Variants in FRYL observed in about 807,000 individuals in gnomAD.
FRYL encodes FRY like transcription coactivator.
A neutral mutation model predicts 351.2 loss-of-function variants in FRYL; 150 were observed. The ratio of observed to expected loss-of-function variants is 0.43; its 90% CI spans 0.37 to 0.49. FRYL has a LOEUF of 0.49. Ranked by LOEUF, FRYL falls within the 20% of genes least tolerant of loss-of-function variation. FRYL has a pLI of 0.00. For missense variants in FRYL, 3,036 were observed against 3,619.3 expected (o/e 0.84, Z 4.13); for synonymous variants, 1,153 against 1,257.1 (o/e 0.92, Z 1.75).
At chr4:48,763,281 G>T (rs1225070642) in intron 1 of FRYL, among the ~76,000 whole-genome samples, 1 of 151,566 alleles carries the variant, frequency 6.6e-6, no homozygotes, top group Non-Finnish European at 1.5e-5. Flanking sequence ...GGGCAGCTTG[G>T]CAAGACCCTG....
chr4:48,779,770 G>A (rs1017017471), intron 1 of FRYL, among the ~76,000 whole-genome samples: 1 of 151,918 alleles, frequency 6.6e-6, no homozygotes, highest in African/African-American at 2.4e-5. Context: ...GGAGGGGAAG[G>A]GGACGTGCGG....
chr4:48,724,275 C>T (rs1679213434), intron 1 of FRYL, among the ~76,000 whole-genome samples: 1 of 152,056 alleles, frequency 6.6e-6, no homozygotes, highest in South Asian at 2.1e-4. Context: ...TTTCCTTTCC[C>T]CTATTCCAGC....
chr4:48,693,754 C>T (rs1224229110), intron 2 of FRYL, among the ~76,000 whole-genome samples: 1 of 152,068 alleles, frequency 6.6e-6, no homozygotes, highest in Non-Finnish European at 1.5e-5. Flanking sequence ...TGCATTTTTC[C>T]AAACCATGGC....
chr4:48,647,592 CTGTT>C (rs1450384313), intron 3 of FRYL, among the ~76,000 whole-genome samples: 1 of 152,142 alleles, frequency 6.6e-6, no homozygotes, highest in African/African-American at 2.4e-5. Flanking sequence ...ACAACACTAA[CTGTT>C]TAGTCTCAAA....
chr4:48,662,375 C>T (rs1288355067), intron 3 of FRYL, among the ~76,000 whole-genome samples: 1 of 151,844 alleles, frequency 6.6e-6, no homozygotes, highest in East Asian at 1.9e-4. Flanking sequence ...CTGTGAGCTA[C>T]TACCTGCAGC....
rs200051099 is a variant in FRYL, at chr4:48,534,626, T to C, written c.6624A>G (p.Leu2208=). 196 of 1,595,850 alleles carry C rather than the reference T, an allele frequency of 1.2e-4. No homozygotes were observed. The highest frequency in any genetic ancestry group is 1.5e-4 in the Non-Finnish European group (176 of 1,163,664). The part of the protein sequence containing the change: ...QQSLLQIIYS[L]LSHIDLSAAP... ...CTGCAGACAGGTCAATATGACTCAA[T>C]AGACTATAAATAATCTGTAGTAATG... The change falls in exon 49 of 64, where the codon CTA becomes CTG. Residue 2208 remains leucine, a synonymous_variant. Transcript: ENST00000358350.
intron 1 of FRYL, among the ~76,000 whole-genome samples, chr4:48,710,991 A>G (rs1010226192): frequency 6.6e-6 from 1 of 152,234 alleles, no homozygotes; most frequent in African/African-American, 2.4e-5. Flanking sequence ...TATACCCACA[A>G]TGGAATATTA....
Position 48,542,051 on chromosome 4 carries a change from T to C in FRYL, c.5663A>G (p.Tyr1888Cys), listed in dbSNP as rs771039499. The C allele has an allele frequency of 6.2e-7, 1 of 1,613,486 alleles. No individual in the cohort carries two copies. The highest frequency in any genetic ancestry group is 1.3e-5 in the African/African-American group (1 of 75,026). The change falls in exon 45 of 64, where the codon TAT becomes TGT. Residue 1888 changes from tyrosine (Y) to cysteine (C), a missense_variant. Coordinates refer to ENST00000358350, the MANE Select transcript of FRYL (RefSeq NM_015030.2). ...CTGAGAAAGGGCAGAAAGAAGATCA[T>C]AATGCTTCATGGTTTCAGCCAAAGT... ...IDTLAETMKH[Y>C]DLLSALSQTS...
At chr4:48,779,603 G>A (rs1480180549) in intron 1 of FRYL, among the ~76,000 whole-genome samples, 1 of 151,996 alleles carries the variant, frequency 6.6e-6, no homozygotes, top group African/African-American at 2.4e-5. Flanking sequence ...AGGCGGCGGA[G>A]CCGTGGTCGC....
intron 60 of FRYL, among the ~76,000 whole-genome samples, chr4:48,503,707 T>C (rs1303512303): frequency 1.3e-5 from 2 of 152,146 alleles, no homozygotes; most frequent in African/African-American, 4.8e-5. Flanking sequence ...TTTCATAAAG[T>C]TTATTCCTAT....
chr4:48,778,501 T>C (rs1023334790), intron 1 of FRYL, among the ~76,000 whole-genome samples: 3 of 152,260 alleles, frequency 2.0e-5, no homozygotes, highest in African/African-American at 7.2e-5. Context: ...ACTTTGTTTA[T>C]ACGGTTGTAA....
At position 48,608,988 on chromosome 4, in the gene FRYL, T is replaced by C. The variant is rs368214578; in HGVS notation, c.571A>G (p.Lys191Glu). ...AAATGGGTGATTTACAAAACTTACTTTGATTGGGCAAGAACCCCTATCACC... is the reference window on the plus strand; with the variant it reads ...AAATGGGTGATTTACAAAACTTACTCTGATTGGGCAAGAACCCCTATCACC... ...AEVIGVLAQS[K>E]FQAVRKKFVT... is the part of the protein sequence containing the mutation. The change falls in exon 9 of 64, where the codon AAG (lysine) becomes GAG (glutamate). Residue 191 changes from lysine (K) to glutamate (E), a missense_variant and splice_region_variant. This residue lies in a region of FRYL where 457 missense variants were observed against 566.6 expected (regional missense o/e 0.81). Coordinates refer to ENST00000358350, the MANE Select transcript of FRYL (RefSeq NM_015030.2). The C allele has an allele frequency of 6.3e-7, 1 of 1,598,570 alleles. No individual in the cohort carries two copies. Among genetic ancestry groups the C allele is most frequent in the Non-Finnish European group, 8.6e-7 (1 of 1,166,546 alleles).
intron 56 of FRYL, 74 bp from the exon 57 acceptor site, chr4:48,512,762 C>CT (rs991373550): frequency 1.9e-6 from 2 of 1,072,210 alleles, no homozygotes; most frequent in African/African-American, 3.1e-5. Flanking sequence ...CGTAAGACAG[C>CT]TTAAGTCATT....
chr4:48,696,329 A>G (rs1406727241), intron 2 of FRYL, among the ~76,000 whole-genome samples: 5 of 152,230 alleles, frequency 3.3e-5, no homozygotes, highest in Non-Finnish European at 7.3e-5. Context: ...CATATACACC[A>G]TGGAATACCG....
intron 5 of FRYL, among the ~76,000 whole-genome samples, chr4:48,622,836 G>C (rs1259570748): frequency 6.6e-6 from 1 of 152,028 alleles, no homozygotes; most frequent in Non-Finnish European, 1.5e-5. Flanking sequence ...TATGTAAAAA[G>C]TGTGGCAATT....
Position 48,713,329 on chromosome 4 carries a change from T to C in FRYL, c.-383-2631A>G, listed in dbSNP as rs146905331. 4.6e-5 allele frequency among the ~76,000 whole-genome samples: 7 copies of C among 152,194 alleles called. No homozygotes were observed. The East Asian group carries it at 9.7e-4, about 21-fold the overall frequency. Reference sequence around the variant, plus strand: ...CAATTAAAAGACACTGACTGGCAAATTGCATAAAGAGTCACGACCCATCAG... The same window carrying C: ...CAATTAAAAGACACTGACTGGCAAACTGCATAAAGAGTCACGACCCATCAG... On this transcript the variant is annotated intron_variant, in intron 1 of 63. Coordinates refer to ENST00000358350, the MANE Select transcript of FRYL (RefSeq NM_015030.2).
chr4:48,562,910 T>G lies in FRYL; in HGVS notation c.3675A>C (p.Glu1225Asp), dbSNP rs1735844166. 1.2e-6 allele frequency: 2 copies of G among 1,600,904 alleles called. No homozygotes were observed. Among genetic ancestry groups the G allele is most frequent in the Non-Finnish European group, 1.7e-6 (2 of 1,170,494 alleles). ...AAACCTGTAAAAGTTGCATAGCAAC[T>G]TCATAGATACTTCTAGAAGAATCAG... ...KAADSSRSIYEVAMQLLQILE... is the reference protein window; with the variant it reads ...KAADSSRSIYDVAMQLLQILE... Residue 1225 changes from glutamate (E) to aspartate (D), a missense_variant, in exon 32 of 64, where the codon GAA becomes GAC. Transcript: ENST00000358350.
intron 3 of FRYL, chr4:48,637,547 A>G (rs1754482635): frequency 6.6e-6 from 1 of 151,322 alleles, no homozygotes; most frequent in African/African-American, 2.4e-5. Context: ...ATAACTGTTA[A>G]TATAATTCTA....
chr4:48,582,324 T>C (rs1375153067), intron 20 of FRYL, among the ~76,000 whole-genome samples, 173 bp downstream of exon 20: 7 of 152,216 alleles, frequency 4.6e-5, no homozygotes, highest in Admixed American at 2.6e-4. Context: ...ATAAACACTA[T>C]ATATTCACTA....
Sources: gnomAD v4.1 joint callset for allele counts (sites outside exome capture counted in the v4.1 genomes callset) on GRCh38, gnomAD v4.1.1 for gene constraint, gnomAD v4.1.1 regional missense constraint, MANE v1.5 for transcripts, NCBI Gene and HGNC (gene_info 2026-07-23, HGNC 2026-07-21) for gene names.